The following MARCHF3 variants were observed in gnomAD, a reference collection of about 807,000 sequenced individuals.
MARCHF3 encodes membrane associated ring-CH-type finger 3, also known as E3 ubiquitin-protein ligase MARCHF3.
Under a neutral mutation model 24.2 loss-of-function variants are expected in MARCHF3, and 13 were observed. That is an observed-to-expected ratio of 0.54 (90% confidence interval 0.35 to 0.85). MARCHF3 has a LOEUF of 0.85. Ranked by LOEUF, MARCHF3 falls within the 40% of genes least tolerant of loss-of-function variation. MARCHF3 has a pLI of 0.01. For missense variants in MARCHF3, 276 were observed against 325.0 expected (o/e 0.85, Z 1.16); for synonymous variants, 144 against 137.3 (o/e 1.05, Z -0.34).
At chr5:126,890,750 A>G (rs1445219852) in intron 3 of MARCHF3, among the ~76,000 whole-genome samples, 17 of 150,214 alleles carry the variant, frequency 1.1e-4, no homozygotes, top group South Asian at 4.2e-4. Flanking sequence ...ATAAACATAC[A>G]TGTGCATGTG....
At chr5:126,947,714 TA>T (rs749927542) in intron 1 of MARCHF3, among the ~76,000 whole-genome samples, 1 of 152,090 alleles carries the variant, frequency 6.6e-6, no homozygotes, top group Non-Finnish European at 1.5e-5. Context: ...AACAAGTCTT[TA>T]AAAAAATGAA....
At chr5:126,977,603 A>C (rs1751246077) in intron 1 of MARCHF3, among the ~76,000 whole-genome samples, 1 of 152,220 alleles carries the variant, frequency 6.6e-6, no homozygotes, top group East Asian at 1.9e-4. Flanking sequence ...ATAACTACTA[A>C]ATATTACAAT....
intron 1 of MARCHF3, among the ~76,000 whole-genome samples, chr5:126,964,718 G>T (rs1372221664): frequency 6.6e-6 from 1 of 152,164 alleles, no homozygotes; most frequent in African/African-American, 2.4e-5. Context: ...CAGAGGTCTG[G>T]TAAGTCTTCT....
intron 1 of MARCHF3, among the ~76,000 whole-genome samples, chr5:126,952,911 A>G (rs1561444099): frequency 2.0e-5 from 3 of 152,192 alleles, no homozygotes; most frequent in African/African-American, 4.8e-5. Context: ...CAGAAAATGA[A>G]AACAAAGAAC....
chr5:127,027,797 A>G (rs894419653), intron 1 of MARCHF3, among the ~76,000 whole-genome samples: 10 of 152,242 alleles, frequency 6.6e-5, no homozygotes, highest in Non-Finnish European at 1.3e-4. Context: ...CTCACAGACT[A>G]TAACTGTTCT....
chr5:126,994,619 G>T (rs760342095), intron 1 of MARCHF3, among the ~76,000 whole-genome samples: 9 of 152,202 alleles, frequency 5.9e-5, no homozygotes, highest in Admixed American at 1.3e-4. Flanking sequence ...ACATCAACAA[G>T]ATCTGCAGGC....
At chr5:126,928,827 C>CT (rs1458881461) in intron 1 of MARCHF3, among the ~76,000 whole-genome samples, 3 of 152,062 alleles carry the variant, frequency 2.0e-5, no homozygotes, top group African/African-American at 7.2e-5. Flanking sequence ...TTCTTCCTTC[C>CT]TTTTTATTAT....
chr5:126,919,348 C>G (rs917753038), intron 1 of MARCHF3, among the ~76,000 whole-genome samples: 1 of 152,186 alleles, frequency 6.6e-6, no homozygotes, highest in South Asian at 2.1e-4. Context: ...CTGCTCACCT[C>G]AAGCTCCCGA....
At chr5:126,885,393 C>G (rs1429146876) in intron 3 of MARCHF3, among the ~76,000 whole-genome samples, 2 of 151,960 alleles carry the variant, frequency 1.3e-5, no homozygotes, top group Non-Finnish European at 2.9e-5. Context: ...CATGGTAAAA[C>G]CCCATCTCTA....
At chr5:127,017,906 T>C (rs1327411276) in intron 1 of MARCHF3, among the ~76,000 whole-genome samples, 1 of 152,216 alleles carries the variant, frequency 6.6e-6, no homozygotes, top group Non-Finnish European at 1.5e-5. Flanking sequence ...ATTCCTAGTG[T>C]AGAAGATAAA....
chr5:126,989,270 C>A (rs1299119925), intron 1 of MARCHF3, among the ~76,000 whole-genome samples: 2 of 151,458 alleles, frequency 1.3e-5, no homozygotes, highest in Non-Finnish European at 2.9e-5. Context: ...CAGAGAGAGA[C>A]CCTGTCTCTA....
intron 4 of MARCHF3, among the ~76,000 whole-genome samples, chr5:126,877,613 C>T (rs1753201003): frequency 6.6e-6 from 1 of 152,212 alleles, no homozygotes; most frequent in Non-Finnish European, 1.5e-5. Context: ...TCTTTGGTGG[C>T]AGCTTCTCAG....
chr5:126,901,944 G>A (rs1436807504), intron 3 of MARCHF3, among the ~76,000 whole-genome samples: 4 of 152,086 alleles, frequency 2.6e-5, no homozygotes, highest in African/African-American at 9.7e-5. Context: ...AAGACACCTT[G>A]ACTTCCACCA....
At chr5:126,898,833 G>A (rs1754011004) in intron 3 of MARCHF3, 19 of 971,556 alleles carry the variant, frequency 2.0e-5, no homozygotes, top group Admixed American at 6.2e-5. Flanking sequence ...TAATAGCATC[G>A]CTAGAGGTGA....
chr5:126,971,889 C>T (rs1480263641), intron 1 of MARCHF3, among the ~76,000 whole-genome samples: 1 of 152,126 alleles, frequency 6.6e-6, no homozygotes, highest in Non-Finnish European at 1.5e-5. Context: ...ATTAAATTAC[C>T]ATATGATTCT....
chr5:126,910,970 T>C (rs1419721291), intron 3 of MARCHF3, among the ~76,000 whole-genome samples: 5 of 152,236 alleles, frequency 3.3e-5, no homozygotes, highest in Non-Finnish European at 7.3e-5. Context: ...AAATGGCTGC[T>C]TCGGGGGCAG....
At chr5:126,995,768 TA>T in intron 1 of MARCHF3, among the ~76,000 whole-genome samples, 1 of 152,356 alleles carries the variant, frequency 6.6e-6, no homozygotes, top group East Asian at 1.9e-4. Context: ...AAACATTTAT[TA>T]AGAATTCACT....
intron 3 of MARCHF3, chr5:126,899,048 C>T (rs1380617190): frequency 3.0e-6 from 3 of 985,112 alleles, no homozygotes; most frequent in Non-Finnish European, 3.6e-6. Context: ...CTCACATATC[C>T]ATCACAGTGT....
At chr5:126,952,039 G>T (rs1357686231) in intron 1 of MARCHF3, among the ~76,000 whole-genome samples, 1 of 152,118 alleles carries the variant, frequency 6.6e-6, no homozygotes, top group East Asian at 1.9e-4. Context: ...TAGAGACAGG[G>T]TTTCACCATG....
Sources: gnomAD v4.1 joint callset for allele counts (sites outside exome capture counted in the v4.1 genomes callset) on GRCh38, gnomAD v4.1.1 for gene constraint, MANE v1.5 for transcripts, NCBI Gene and HGNC (gene_info 2026-07-23, HGNC 2026-07-21) for gene names.